Variants in MED28 observed in about 807,000 individuals in gnomAD.
MED28 encodes mediator complex subunit 28.
MED28 carries 26 observed loss-of-function variants against 21.3 expected under a neutral mutation model. That is an observed-to-expected ratio of 1.22 (90% CI 0.89 to 1.69). The LOEUF (loss-of-function observed/expected upper bound fraction) is 1.69. MED28 is among the 40% of genes most tolerant of loss of function. The pLI, the probability that MED28 is intolerant of heterozygous loss-of-function variation, is 0.00. For synonymous variants in MED28, 110 were observed against 87.6 expected (o/e 1.26, Z -1.43); for missense variants, 257 against 215.4 (o/e 1.19, Z -1.21).
chr4:17,632,810 T>C lies in MED28; in HGVS notation c.*9012T>C, dbSNP rs936870088. On this transcript the variant is annotated 3_prime_UTR_variant, in exon 4 of 4. Coordinates refer to ENST00000237380, the MANE Select transcript of MED28 (RefSeq NM_025205.5). Reference sequence around the variant, plus strand: ...ATGGGGCTGGGGAGGGAGTACCTAATCCTCATTTGGAAAACAGAAGGTTCA... The same window carrying C: ...ATGGGGCTGGGGAGGGAGTACCTAACCCTCATTTGGAAAACAGAAGGTTCA... 1.9e-6 allele frequency: 1 copy of C among 515,388 alleles called. No individual in the cohort carries two copies. Among genetic ancestry groups the C allele is most frequent in the African/African-American group, 1.9e-5 (1 of 52,306 alleles). 31.9% of individuals were successfully genotyped at this position (515,388 alleles called of 1,614,324 possible).
chr4:17,633,982 TGTATC>T lies in MED28; in HGVS notation c.*10186_*10190del. Reference sequence around the variant, plus strand: ...CAAATAATGCTCACCCAATCAAAATTGTATCGGAGAAGAAGCAACAATTTCATTTA... The same window carrying T: ...CAAATAATGCTCACCCAATCAAAATTGGAGAAGAAGCAACAATTTCATTTA... On this transcript the variant is annotated 3_prime_UTR_variant, in exon 4 of 4. Coordinates refer to ENST00000237380, the MANE Select transcript of MED28 (RefSeq NM_025205.5). 1.9e-6 allele frequency: 2 copies of T among 1,030,468 alleles called. No homozygotes were observed. Among genetic ancestry groups the T allele is most frequent in the Non-Finnish European group, 2.6e-6 (2 of 768,144 alleles). The allele number at this position is 1,030,468 out of a possible 1,614,324, so 63.8% of individuals were successfully genotyped here.
At position 17,623,696 on chromosome 4, in the gene MED28, C is replaced by T. The variant is rs150782118; in HGVS notation, c.435C>T (p.Asp145=). 1.1e-5 allele frequency: 17 copies of T among 1,614,104 alleles called. No homozygotes were observed. The African/African-American group carries it at 2.3e-4, about 22-fold the overall frequency. Residue 145 remains aspartate (D), a synonymous_variant, in exon 4 of 4, where the codon GAC becomes GAT. Transcript: ENST00000237380. ...KLRHWQQVLE[D]INVQHKKPAD... Reference sequence around the variant, plus strand: ...GGCATTGGCAGCAGGTGCTGGAGGACATCAACGTGCAGCACAAAAAGCCCG... The same window carrying T: ...GGCATTGGCAGCAGGTGCTGGAGGATATCAACGTGCAGCACAAAAAGCCCG...
At position 17,628,255 on chromosome 4, in the gene MED28, C is replaced by CGT. The variant is rs71167314; in HGVS notation, c.*4492_*4493dup. ...GCTGGTTAAAACGAGTGACAGCTGC[C>CGT]GTGTGTGTGTGTGTGTGTGTGTGTG... On this transcript the variant is annotated 3_prime_UTR_variant, in exon 4 of 4. Transcript: ENST00000237380. 0.19 allele frequency: 27,382 copies of CGT among 140,636 alleles called. 2,835 individuals are homozygous for CGT. The highest frequency in any genetic ancestry group is 0.23 in the Middle Eastern group (65 of 282). 8.7% of individuals were successfully genotyped at this position (140,636 alleles called of 1,614,324 possible). A position where few individuals can be genotyped will look rare whatever the true frequency, so the allele number is the denominator to read the frequency against.
At position 17,624,590 on chromosome 4, in the gene MED28, G is replaced by A. The variant is rs1157836342; in HGVS notation, c.*792G>A. The A allele has an allele frequency of 6.6e-6, 1 of 152,108 alleles. No homozygotes were observed. Among genetic ancestry groups the A allele is most frequent in the African/African-American group, 2.4e-5 (1 of 41,426 alleles). The allele number at this position is 152,108 out of a possible 1,614,324, so 9.4% of individuals were successfully genotyped here. On this transcript the variant is annotated 3_prime_UTR_variant, in exon 4 of 4. Coordinates refer to ENST00000237380, the MANE Select transcript of MED28 (RefSeq NM_025205.5). ...AGCATGACAGTGGGGTCATAGGTGA[G>A]CTGTGAGGGGCTAAATCTTGCTCTG...
intron 2 of MED28, among the ~76,000 whole-genome samples, chr4:17,620,353 T>TG (rs1714584695): frequency 9.3e-6 from 1 of 107,058 alleles, no homozygotes; most frequent in African/African-American, 3.5e-5. Context: ...ATATTTTACA[T>TG]GTTTTTTTTT....
Position 17,632,505 on chromosome 4 carries a change from C to T in MED28, c.*8707C>T. On this transcript the variant is annotated 3_prime_UTR_variant, in exon 4 of 4. Coordinates refer to ENST00000237380, the MANE Select transcript of MED28 (RefSeq NM_025205.5). ...TTTAAAATAAATGTTTTTCAAGTAT[C>T]CTCTGTGATGTATCCCAAAGGTTAG... The T allele has an allele frequency of 6.7e-7, 1 of 1,486,026 alleles. No individual in the cohort carries two copies. 92.1% of individuals were successfully genotyped at this position (1,486,026 alleles called of 1,614,324 possible).
chr4:17,614,825 C>T lies in MED28; in HGVS notation c.159+12C>T. ...AGTCATCTTTCGAGGTAATATAAGA[C>T]ATGGGCGTCTTTGTCCCTAGCCTTC... On this transcript the variant is annotated intron_variant, in intron 1 of 3. Transcript: ENST00000237380. 6.3e-7 allele frequency: 1 copy of T among 1,589,030 alleles called. No homozygotes were observed. Among genetic ancestry groups the T allele is most frequent in the South Asian group, 1.1e-5 (1 of 88,994 alleles).
Position 17,624,720 on chromosome 4 carries a change from A to T in MED28, c.*922A>T, listed in dbSNP as rs114076200. On this transcript the variant is annotated 3_prime_UTR_variant, in exon 4 of 4. Coordinates refer to ENST00000237380, the MANE Select transcript of MED28 (RefSeq NM_025205.5). ...AGGAAGGTTGTTGCCAGTGGATTTG[A>T]CTCCAAGGGACTAGAGTGTCGTGGT... 4.9e-3 allele frequency: 707 copies of T among 143,352 alleles called. 1 individual carries two copies. The highest frequency in any genetic ancestry group is 8.2e-3 in the Non-Finnish European group (541 of 66,360). The allele number at this position is 143,352 out of a possible 1,614,324, so 8.9% of individuals were successfully genotyped here.
At chr4:17,619,156 T>G (rs543384631) in intron 1 of MED28, among the ~76,000 whole-genome samples, 1 of 152,346 alleles carries the variant, frequency 6.6e-6, no homozygotes, top group South Asian at 2.1e-4. Context: ...CTTTGGTACA[T>G]TTCCTTAGAG....
intron 1 of MED28, among the ~76,000 whole-genome samples, chr4:17,617,034 G>C (rs540830816): frequency 2.6e-5 from 4 of 152,336 alleles, no homozygotes; most frequent in Admixed American, 2.6e-4. Flanking sequence ...TCACTGCTCT[G>C]ATAGAAGAAA....
At position 17,632,855 on chromosome 4, in the gene MED28, T is replaced by G; in HGVS notation, c.*9057T>G. On this transcript the variant is annotated 3_prime_UTR_variant, in exon 4 of 4. Transcript: ENST00000237380. ...GGTTCACCATTGTTTGGTTCTCCATTGTTCCTTTGAGACTTAGTGGTTGTA... is the reference window on the plus strand; with the variant it reads ...GGTTCACCATTGTTTGGTTCTCCATGGTTCCTTTGAGACTTAGTGGTTGTA... The G allele has an allele frequency of 2.5e-6, 1 of 395,684 alleles. No homozygotes were observed. The highest frequency in any genetic ancestry group is 3.0e-5 in the South Asian group (1 of 33,374). 24.5% of individuals were successfully genotyped at this position (395,684 alleles called of 1,614,324 possible). A position where few individuals can be genotyped will look rare whatever the true frequency, so the allele number is the denominator to read the frequency against.
rs560315778 is a variant in MED28 at position 17,628,187 on chromosome 4, T to G, written c.*4389T>G. On this transcript the variant is annotated 3_prime_UTR_variant, in exon 4 of 4. Transcript: ENST00000237380. Reference sequence around the variant, plus strand: ...TTTGTCTAAGCACGTACAAAGAAAATTCAAGGTCAGTTTACCACTCACAAA... The same window carrying G: ...TTTGTCTAAGCACGTACAAAGAAAAGTCAAGGTCAGTTTACCACTCACAAA... 2 of 151,380 alleles carry G rather than the reference T, an allele frequency of 1.3e-5. No homozygotes were observed. The highest frequency in any genetic ancestry group is 3.9e-4 in the East Asian group (2 of 5,134). The allele number at this position is 151,380 out of a possible 1,614,324, so 9.4% of individuals were successfully genotyped here.
rs982217965 is a variant in MED28 at position 17,617,257 on chromosome 4, T to G, written c.159+2444T>G. 2.0e-5 allele frequency among the ~76,000 whole-genome samples: 3 copies of G among 152,350 alleles called. No homozygotes were observed. The East Asian group carries it at 5.8e-4, about 29-fold the overall frequency. On this transcript the variant is annotated intron_variant, in intron 1 of 3. Coordinates refer to ENST00000237380, the MANE Select transcript of MED28 (RefSeq NM_025205.5). ...CATTTTCTTTGGAACTTTTCCTGTT[T>G]CCTTCCTTGTGTTCTGTGTGGACCT...
intron 1 of MED28, among the ~76,000 whole-genome samples, chr4:17,617,312 C>T (rs1039833904): frequency 6.6e-6 from 1 of 152,236 alleles, no homozygotes; most frequent in African/African-American, 2.4e-5. Context: ...TGGCACATAG[C>T]AGCACCTACT....
chr4:17,621,819 G>A, intron 3 of MED28, 120 bp downstream of exon 3: 1 of 691,932 alleles, frequency 1.4e-6, no homozygotes, highest in Non-Finnish European at 2.5e-6. Context: ...TTATAGGTCA[G>A]TGTGAAATGT....
intron 1 of MED28, among the ~76,000 whole-genome samples, chr4:17,615,714 G>A (rs986317910): frequency 6.6e-6 from 1 of 152,168 alleles, no homozygotes; most frequent in African/African-American, 2.4e-5. Flanking sequence ...AGAGGCTGAG[G>A]CAGGAGAATC....
At chr4:17,615,993 C>T (rs1441048802) in intron 1 of MED28, among the ~76,000 whole-genome samples, 1 of 151,820 alleles carries the variant, frequency 6.6e-6, no homozygotes, top group Non-Finnish European at 1.5e-5. Context: ...TGGAGTCTCA[C>T]TCTCTCGCCC....
intron 1 of MED28, 147 bp from the exon 2 acceptor site, chr4:17,619,754 C>A: frequency 1.5e-6 from 1 of 665,430 alleles, no homozygotes; most frequent in Non-Finnish European, 2.6e-6. Context: ...CAGATGTTTC[C>A]ATTGGCATGG....
At position 17,633,972 on chromosome 4, in the gene MED28, CA is replaced by C. The variant is rs796818449; in HGVS notation, c.*10176del. 2.7e-6 allele frequency: 3 copies of C among 1,113,830 alleles called. No homozygotes were observed. The highest frequency in any genetic ancestry group is 3.3e-5 in the African/African-American group (2 of 61,464). The allele number at this position is 1,113,830 out of a possible 1,614,324, so 69.0% of individuals were successfully genotyped here. A position where few individuals can be genotyped will look rare whatever the true frequency, so the allele number is the denominator to read the frequency against. ...ATTGTAAAAGCAAATAATGCTCACC[CA>C]ATCAAAATTGTATCGGAGAAGAAGC... On this transcript the variant is annotated 3_prime_UTR_variant, in exon 4 of 4. Coordinates refer to ENST00000237380, the MANE Select transcript of MED28 (RefSeq NM_025205.5).
Sources: allele counts gnomAD v4.1 joint callset (sites outside exome capture counted in the v4.1 genomes callset), GRCh38; gene constraint gnomAD v4.1.1; transcripts MANE v1.5; gene names NCBI Gene and HGNC (gene_info 2026-07-23, HGNC 2026-07-21).